CCDC63: variants seen among roughly 807,000 people sequenced by gnomAD.
CCDC63 encodes coiled-coil domain-containing protein 63.
Under a neutral mutation model 63.6 loss-of-function variants are expected in CCDC63, and 54 were observed. That is an observed-to-expected ratio of 0.85 (90% CI 0.68 to 1.07). The LOEUF (loss-of-function observed/expected upper bound fraction) is 1.07, where lower values mean the gene tolerates loss of function less well. Among genes scored for constraint, CCDC63 ranks in the 50% least tolerant of loss-of-function variants. The probability of loss-of-function intolerance (pLI) is 0.00; values close to 1 mark genes in which losing one functional copy is unlikely to be tolerated. For synonymous variants in CCDC63, 253 were observed against 266.1 expected (o/e 0.95, Z 0.48); for missense variants, 637 against 689.6 (o/e 0.92, Z 0.86).
At chr12:110,868,225 G>A (rs1268817356) in intron 4 of CCDC63, among the ~76,000 whole-genome samples, 4,056 of 129,286 alleles carry the variant, frequency 0.031, 72 homozygotes, top group East Asian at 0.076. Context: ...GCGGCCGGGC[G>A]GAGACGCTCC....
chr12:110,878,181 C>T (rs561575430), intron 5 of CCDC63, among the ~76,000 whole-genome samples: 52 of 152,280 alleles, frequency 3.4e-4, no homozygotes, highest in African/African-American at 1.2e-3. Context: ...TATATGCACA[C>T]ACACACATAT....
intron 4 of CCDC63, among the ~76,000 whole-genome samples, chr12:110,866,871 C>T (rs1196141172): frequency 6.7e-6 from 1 of 148,988 alleles, no homozygotes; most frequent in South Asian, 2.2e-4. Flanking sequence ...GGCAGAGGGG[C>T]TCCTCACTTC....
intron 1 of CCDC63, among the ~76,000 whole-genome samples, chr12:110,851,418 C>G (rs1566113420): frequency 6.6e-6 from 1 of 152,312 alleles, no homozygotes; most frequent in Admixed American, 6.5e-5. Context: ...AACAAAGTCT[C>G]TCTCTTCTTG....
In CCDC63 at chr12:110,855,272, A is replaced by G. The variant is rs756687866; in HGVS notation, c.179+1698A>G. On this transcript the variant is annotated intron_variant, in intron 3 of 11. Coordinates refer to ENST00000308208, the MANE Select transcript of CCDC63 (RefSeq NM_152591.3). The stretch of plus-strand genomic sequence containing the variant: ...TAGAACAAGAAAGTGTCTCCCAGAA[A>G]AGTGTAATAAATCTACAAAACAGTG... 1.1e-4 allele frequency among the ~76,000 whole-genome samples: 16 copies of G among 152,306 alleles called. No individual in the cohort carries two copies. The South Asian group carries it at 1.4e-3, about 14-fold the overall frequency.
chr12:110,879,446 C>T (rs2071170835), intron 5 of CCDC63, among the ~76,000 whole-genome samples: 1 of 152,200 alleles, frequency 6.6e-6, no homozygotes, highest in Non-Finnish European at 1.5e-5. Context: ...AAGAATCATC[C>T]AGCCCAAAAT....
intron 11 of CCDC63, among the ~76,000 whole-genome samples, chr12:110,905,972 TAAAA>T (rs2071566107): frequency 1.5e-5 from 1 of 65,652 alleles, no homozygotes; most frequent in Non-Finnish European, 2.6e-5. Context: ...ATATATTATA[TAAAA>T]TATATATTAT....
At chr12:110,878,692 A>C (rs1363803241) in intron 5 of CCDC63, among the ~76,000 whole-genome samples, 1 of 152,182 alleles carries the variant, frequency 6.6e-6, no homozygotes, top group Non-Finnish European at 1.5e-5. Context: ...ATAATGCTGC[A>C]GTGAATGTGA....
At chr12:110,856,912 G>C (rs1456312177) in intron 3 of CCDC63, among the ~76,000 whole-genome samples, 2 of 146,000 alleles carry the variant, frequency 1.4e-5, no homozygotes, top group Non-Finnish European at 3.0e-5. Context: ...GCAGTGGCAC[G>C]ATCTCAGCTC....
intron 4 of CCDC63, among the ~76,000 whole-genome samples, chr12:110,861,986 G>A (rs931887778): frequency 4.6e-5 from 7 of 152,014 alleles, no homozygotes; most frequent in South Asian, 2.1e-4. Flanking sequence ...CGCCCCCTTC[G>A]TGGCTTGTTT....
intron 5 of CCDC63, among the ~76,000 whole-genome samples, chr12:110,877,041 T>C (rs2071140041): frequency 6.6e-6 from 1 of 152,016 alleles, no homozygotes; most frequent in African/African-American, 2.4e-5. Context: ...AAATAAATTC[T>C]ACTGTGTATA....
At chr12:110,887,859 A>G (rs1013764754) in intron 8 of CCDC63, among the ~76,000 whole-genome samples, 3 of 151,914 alleles carry the variant, frequency 2.0e-5, no homozygotes, top group Admixed American at 1.3e-4. Context: ...GCCTCCCAAA[A>G]TGCTGGGAAT....
At chr12:110,870,089 C>A (rs560149412) in intron 4 of CCDC63, among the ~76,000 whole-genome samples, 338 of 152,186 alleles carry the variant, frequency 2.2e-3, no homozygotes, top group African/African-American at 8.0e-3. Context: ...TTTATTGGAG[C>A]TTCTTTTTTT....
In CCDC63 at chr12:110,852,886, G is replaced by C; in HGVS notation, c.-69G>C. ...CATTGCAGAGAGACAGAGAGAGAGA[G>C]GAAGGCTCACTGGCTTTGAGCTCTC... On this transcript the variant is annotated 5_prime_UTR_variant, in exon 2 of 12. Coordinates refer to ENST00000308208, the MANE Select transcript of CCDC63 (RefSeq NM_152591.3). 6.2e-7 allele frequency: 1 copy of C among 1,612,896 alleles called. No homozygotes were observed. The highest frequency in any genetic ancestry group is 8.5e-7 in the Non-Finnish European group (1 of 1,178,964).
rs771730668 is a variant in CCDC63 at position 110,858,696 on chromosome 12, G to A, written c.290G>A (p.Arg97Gln). The A allele has an allele frequency of 3.4e-5, 55 of 1,613,866 alleles. No homozygotes were observed. Among genetic ancestry groups the A allele is most frequent in the African/African-American group, 2.9e-4 (22 of 74,898 alleles). ...AGTGAGAAGAACTACATGGAGCTGC[G>A]ACTCCTGCTCCAAACTAAGGAGGAC... ...NRSEKNYMELRLLLQTKEDYE... is the reference protein window; with the variant it reads ...NRSEKNYMELQLLLQTKEDYE... Residue 97 changes from arginine (R) to glutamine (Q), a missense_variant, in exon 4 of 12, where the codon CGA (arginine) becomes CAA (glutamine). Arg to Gln is a conservative substitution (Grantham distance 43). Coordinates refer to ENST00000308208, the MANE Select transcript of CCDC63 (RefSeq NM_152591.3).
Position 110,904,676 on chromosome 12 carries a change from G to C in CCDC63, c.1431G>C (p.Pro477=). ...TGGAAGGGGCAGAGGCTGAGATCCCGCCACCCTTCATCAACCCTTTCTGGG... is the reference window on the plus strand; with the variant it reads ...TGGAAGGGGCAGAGGCTGAGATCCCCCCACCCTTCATCAACCCTTTCTGGG... The part of the protein sequence containing the change: ...LEVEGAEAEI[P]PPFINPFWGG... The change falls in exon 11 of 12, where the codon CCG becomes CCC. Residue 477 remains proline, a synonymous_variant. Coordinates refer to ENST00000308208, the MANE Select transcript of CCDC63 (RefSeq NM_152591.3). 20 of 1,614,058 alleles carry C rather than the reference G, an allele frequency of 1.2e-5. No homozygotes were observed. Among genetic ancestry groups the C allele is most frequent in the Non-Finnish European group, 1.7e-5 (20 of 1,179,986 alleles).
At chr12:110,885,385 C>T (rs1267480363) in intron 8 of CCDC63, among the ~76,000 whole-genome samples, 4 of 152,146 alleles carry the variant, frequency 2.6e-5, no homozygotes, top group Non-Finnish European at 5.9e-5. Context: ...CATAATTTCC[C>T]AAATGTCATT....
chr12:110,856,612 C>T (rs1303252892), intron 3 of CCDC63, among the ~76,000 whole-genome samples: 2 of 151,956 alleles, frequency 1.3e-5, no homozygotes, highest in Non-Finnish European at 2.9e-5. Context: ...CTGAAATAGC[C>T]GCATTTCAAG....
At chr12:110,892,428 G>T (rs920012488) in intron 8 of CCDC63, among the ~76,000 whole-genome samples, 6 of 151,264 alleles carry the variant, frequency 4.0e-5, no homozygotes, top group Non-Finnish European at 8.8e-5. Flanking sequence ...AATAAAAAAA[G>T]AAAAAAAAGA....
At chr12:110,849,498 C>CTT (rs56059098) in intron 1 of CCDC63, among the ~76,000 whole-genome samples, 7,841 of 126,250 alleles carry the variant, frequency 0.062, 394 homozygotes, top group Non-Finnish European at 0.076. Context: ...CTCTTATTTC[C>CTT]TTTTTTTTTT....
Sources: gnomAD v4.1 joint callset for allele counts (sites outside exome capture counted in the v4.1 genomes callset) on GRCh38, gnomAD v4.1.1 for gene constraint, MANE v1.5 for transcripts, NCBI Gene and HGNC (gene_info 2026-07-23, HGNC 2026-07-21) for gene names.